RCC2: variants seen among roughly 807,000 people sequenced by gnomAD.
RCC2 encodes protein RCC2.
In RCC2, 19 loss-of-function variants were observed where a neutral mutation model predicts 64.1. The observed-to-expected ratio is 0.30, with a 90% confidence interval of 0.21 to 0.44. The LOEUF (loss-of-function observed/expected upper bound fraction) is 0.44. Among genes scored for constraint, RCC2 ranks in the 20% least tolerant of loss-of-function variants. RCC2 has a pLI of 1.00. For missense variants in RCC2, 508 were observed against 710.4 expected (o/e 0.72, Z 3.24); for synonymous variants, 325 against 279.6 (o/e 1.16, Z -1.62).
At chr1:17,434,093 C>A (rs183066485) in intron 2 of RCC2, among the ~76,000 whole-genome samples, 1 of 152,296 alleles carries the variant, frequency 6.6e-6, no homozygotes, top group East Asian at 1.9e-4. Flanking sequence ...TTATGAAGTG[C>A]GCAAAGAATT....
At chr1:17,437,368 T>C (rs938257346) in intron 2 of RCC2, among the ~76,000 whole-genome samples, 2 of 152,168 alleles carry the variant, frequency 1.3e-5, no homozygotes, top group Admixed American at 6.5e-5. Context: ...GAAAAACATA[T>C]CCCACACCAC....
At chr1:17,418,571 C>T (rs925711743) in intron 7 of RCC2, among the ~76,000 whole-genome samples, 1 of 152,000 alleles carries the variant, frequency 6.6e-6, no homozygotes, top group Admixed American at 6.6e-5. Flanking sequence ...GCAGGAGAAT[C>T]GCTTGAACCC....
rs2075450018 is a variant in RCC2 at position 17,413,579 on chromosome 1, T to G, written c.1165A>C (p.Ile389Leu). The part of the protein sequence containing the change: ...FDFPGRGASQ[I>L]YAGYTCSFAV... ...AAGGAGCAGGTGTAACCAGCATAGA[T>G]CTGGGAAGCCCCACGCCCAGGGAAG... The change falls in exon 9 of 13, where the codon ATC becomes CTC. Residue 389 changes from isoleucine to leucine, a missense_variant. Around this residue, in one of 4 missense-constraint regions of RCC2, gnomAD observed 179 missense variants for 322.0 expected, o/e 0.56. Coordinates refer to ENST00000375436, the MANE Select transcript of RCC2 (RefSeq NM_018715.4). 1 of 1,613,912 alleles carries G rather than the reference T, an allele frequency of 6.2e-7. No individual in the cohort carries two copies. The highest frequency in any genetic ancestry group is 8.5e-7 in the Non-Finnish European group (1 of 1,179,974).
At chr1:17,425,807 C>G (rs2075609456) in intron 3 of RCC2, 123 bp from the exon 4 acceptor site, 5 of 984,394 alleles carry the variant, frequency 5.1e-6, no homozygotes, top group South Asian at 3.3e-5. Flanking sequence ...CGGGTGCCAC[C>G]CTGCCTTGGC....
intron 11 of RCC2, among the ~76,000 whole-genome samples, 198 bp from the exon 12 acceptor site, chr1:17,410,249 CA>C (rs1171438207): frequency 6.6e-6 from 1 of 152,204 alleles, no homozygotes; most frequent in Non-Finnish European, 1.5e-5. Flanking sequence ...GTGCCACCAG[CA>C]GGCGACTAGC....
intron 12 of RCC2, 115 bp from the exon 13 acceptor site, chr1:17,409,309 C>A (rs1380829272): frequency 9.9e-6 from 7 of 708,164 alleles, no homozygotes; most frequent in Non-Finnish European, 1.8e-5. Flanking sequence ...AAACAGAGTG[C>A]CCTTGAAAAC....
rs935088364 is a variant in RCC2 at position 17,409,494 on chromosome 1, C to A, written c.1465-300G>T. Among the ~76,000 whole-genome samples the A allele has an allele frequency of 4.6e-5, 7 of 152,210 alleles. No individual in the cohort carries two copies. In the East Asian group the frequency reaches 5.8e-4, roughly 13 times the overall value. On this transcript the variant is annotated intron_variant, in intron 12 of 12. Coordinates refer to ENST00000375436, the MANE Select transcript of RCC2 (RefSeq NM_018715.4). Reference sequence around the variant, plus strand: ...GGCTCCAGCTCCACTTCCATCCCCCCCCTCTCTGGCTCACAATCCTGCCTG... The same window carrying A: ...GGCTCCAGCTCCACTTCCATCCCCCACCTCTCTGGCTCACAATCCTGCCTG...
chr1:17,426,907 C>T lies in RCC2; in HGVS notation c.380-1223G>A, dbSNP rs542336365. Among the ~76,000 whole-genome samples, 146 of 152,034 alleles carry T rather than the reference C, an allele frequency of 9.6e-4. 2 individuals are homozygous for T. The highest frequency in any genetic ancestry group is 1.6e-4 in the Non-Finnish European group (11 of 67,998). ...CCTCACGAGTAACTGGGATTACAGG[C>T]GTGTGCCATCACACCCAGCTAATTT... On this transcript the variant is annotated intron_variant, in intron 3 of 12. Transcript: ENST00000375436.
chr1:17,413,437 G>A, intron 9 of RCC2, 100 bp downstream of exon 9: 1 of 1,229,276 alleles, frequency 8.1e-7, no homozygotes, highest in Non-Finnish European at 1.2e-6. Flanking sequence ...AAAGAACACT[G>A]GGAGGTAAAG....
chr1:17,436,649 G>A (rs1557636946), intron 2 of RCC2, among the ~76,000 whole-genome samples: 1 of 152,184 alleles, frequency 6.6e-6, no homozygotes, highest in Non-Finnish European at 1.5e-5. Context: ...CTCAGCATGG[G>A]GTAAGGATCT....
intron 7 of RCC2, among the ~76,000 whole-genome samples, chr1:17,418,956 C>T (rs1266673519): frequency 6.6e-6 from 1 of 152,166 alleles, no homozygotes; most frequent in East Asian, 1.9e-4. Flanking sequence ...TAAAGAGCTG[C>T]ACACATCTGC....
intron 7 of RCC2, among the ~76,000 whole-genome samples, chr1:17,419,437 C>T (rs1184193016): frequency 1.3e-5 from 2 of 152,190 alleles, no homozygotes; most frequent in African/African-American, 4.8e-5. Context: ...GTGGATGAGA[C>T]ACGGCCATAG....
At position 17,416,539 on chromosome 1, in the gene RCC2, G is replaced by A; in HGVS notation, c.967C>T (p.Gln323Ter). 1 of 1,613,958 alleles carries A rather than the reference G, an allele frequency of 6.2e-7. No homozygotes were observed. The highest frequency in any genetic ancestry group is 8.5e-7 in the Non-Finnish European group (1 of 1,180,036). Reference sequence around the variant, plus strand: ...ACCACGTTTGGTACAGGCAGAATCTGTCCATCTTTCGTCTTCTCAATGAAG... The same window carrying A: ...ACCACGTTTGGTACAGGCAGAATCTATCCATCTTTCGTCTTCTCAATGAAG... ...AIFIEKTKDG[Q>*]ILPVPNVVVR... The change falls in exon 8 of 13, where the codon CAG becomes TAG. Residue 323 changes from glutamine to a stop codon, truncating the protein, a stop_gained. Transcript: ENST00000375436. LOFTEE classifies it high-confidence loss of function.
intron 11 of RCC2, among the ~76,000 whole-genome samples, chr1:17,411,429 AGCTGGGCGTG>A: frequency 6.6e-6 from 1 of 152,158 alleles, no homozygotes; most frequent in East Asian, 1.9e-4. Flanking sequence ...TACAAAAATT[AGCTGGGCGTG>A]GTGGCAAACG....
intron 8 of RCC2, among the ~76,000 whole-genome samples, chr1:17,414,826 G>A (rs1279421388): frequency 6.6e-6 from 1 of 152,042 alleles, no homozygotes; most frequent in Non-Finnish European, 1.5e-5. Flanking sequence ...AGAGATGGGG[G>A]TCTCACCATG....
chr1:17,431,884 C>A (rs374512974), intron 2 of RCC2, among the ~76,000 whole-genome samples: 15 of 152,078 alleles, frequency 9.9e-5, no homozygotes, highest in Admixed American at 2.0e-4. Flanking sequence ...GGATCACCTG[C>A]GGTCAGGAGT....
intron 5 of RCC2, 146 bp downstream of exon 5, chr1:17,422,559 C>G (rs1226901747): frequency 3.6e-6 from 4 of 1,099,122 alleles, no homozygotes; most frequent in Non-Finnish European, 5.2e-6. Flanking sequence ...CCTCAAGAAG[C>G]CACTCCATGC....
At chr1:17,414,552 C>CAA (rs58463475) in intron 8 of RCC2, among the ~76,000 whole-genome samples, 1,542 of 113,572 alleles carry the variant, frequency 0.014, 14 homozygotes, top group Middle Eastern at 0.051. Context: ...CAAAACGAAA[C>CAA]AAAAAAAAAA....
chr1:17,424,518 T>A (rs1175759161), intron 4 of RCC2, among the ~76,000 whole-genome samples: 1 of 152,238 alleles, frequency 6.6e-6, no homozygotes, highest in Admixed American at 6.5e-5. Flanking sequence ...AATGTCAGCA[T>A]GTCATCAAGA....
Sources: allele counts gnomAD v4.1 joint callset (sites outside exome capture counted in the v4.1 genomes callset), GRCh38; gene constraint gnomAD v4.1.1; regional missense constraint gnomAD v4.1.1; transcripts MANE v1.5; gene names NCBI Gene and HGNC (gene_info 2026-07-23, HGNC 2026-07-21).